NAALADL2: variants seen among roughly 807,000 people sequenced by gnomAD.
NAALADL2 encodes inactive N-acetylated-alpha-linked acidic dipeptidase-like protein 2.
Under a neutral mutation model 87.2 loss-of-function variants are expected in NAALADL2, and 76 were observed. The observed-to-expected ratio is 0.87, with a 90% CI of 0.72 to 1.05. The LOEUF (loss-of-function observed/expected upper bound fraction) is 1.05, where lower values mean the gene tolerates loss of function less well. NAALADL2 is among the 50% of genes least tolerant of loss of function. The pLI, the probability that NAALADL2 is intolerant of heterozygous loss-of-function variation, is 0.00. For synonymous variants in NAALADL2, 354 were observed against 331.0 expected, an observed-to-expected ratio of 1.07 and a Z score of -0.75; for missense variants, 1,089 against 945.8, an observed-to-expected ratio of 1.15 and a Z score of -1.99.
At chr3:175,210,018 T>C (rs1408957999) in intron 2 of NAALADL2, among the ~76,000 whole-genome samples, 1 of 151,824 alleles carries the variant, frequency 6.6e-6, no homozygotes, top group Non-Finnish European at 1.5e-5. Flanking sequence ...GTATTAATAT[T>C]ATACATACAA....
chr3:175,117,341 G>T (rs1003534858), intron 2 of NAALADL2, among the ~76,000 whole-genome samples: 4 of 152,056 alleles, frequency 2.6e-5, no homozygotes, highest in African/African-American at 9.7e-5. Flanking sequence ...AAGAATGGGA[G>T]AAAATTTTTA....
intron 11 of NAALADL2, among the ~76,000 whole-genome samples, chr3:175,714,985 G>A (rs911944521): frequency 6.6e-6 from 1 of 152,140 alleles, no homozygotes. Context: ...AAGACTTCAT[G>A]ACTATTTTCT....
At chr3:175,048,085 T>C (rs1754902790) in intron 1 of NAALADL2, among the ~76,000 whole-genome samples, 2 of 152,198 alleles carry the variant, frequency 1.3e-5, no homozygotes, top group Admixed American at 1.3e-4. Flanking sequence ...GTACTTTAAT[T>C]TCTGTAGCTT....
intron 6 of NAALADL2, among the ~76,000 whole-genome samples, chr3:175,452,255 G>A (rs906759217): frequency 6.6e-6 from 1 of 151,814 alleles, no homozygotes; most frequent in African/African-American, 2.4e-5. Context: ...CTCTTGCTAT[G>A]TCTTTCTCTC....
In NAALADL2 at chr3:174,798,263, T is replaced by C. The variant is rs566203265; in HGVS notation, c.-9+60517T>C. 1.3e-4 allele frequency among the ~76,000 whole-genome samples: 20 copies of C among 152,348 alleles called. No individual in the cohort carries two copies. In the East Asian group the frequency reaches 3.9e-3, roughly 29 times the overall value. Reference sequence around the variant, plus strand: ...TGTGAATATTGTAGCTTTGTAGTTTTGTTGCTGTTGTTACTGTTTTCATTC... The same window carrying C: ...TGTGAATATTGTAGCTTTGTAGTTTCGTTGCTGTTGTTACTGTTTTCATTC... On this transcript the variant is annotated intron_variant, in intron 3 of 3. Transcript: ENST00000434257.
At chr3:175,720,178 A>C (rs975549886) in intron 11 of NAALADL2, among the ~76,000 whole-genome samples, 1 of 152,174 alleles carries the variant, frequency 6.6e-6, no homozygotes. Context: ...ATCCACTGTG[A>C]TAAGTATACA....
intron 2 of NAALADL2, among the ~76,000 whole-genome samples, chr3:175,129,699 A>C (rs1727513146): frequency 6.6e-6 from 1 of 152,104 alleles, no homozygotes; most frequent in Non-Finnish European, 1.5e-5. Flanking sequence ...TATATCTTAC[A>C]TTTCCTTTAT....
intron 1 of NAALADL2, among the ~76,000 whole-genome samples, chr3:174,881,167 C>A (rs144835872): frequency 6.6e-6 from 1 of 152,188 alleles, no homozygotes; most frequent in Non-Finnish European, 1.5e-5. Flanking sequence ...GTGGACATAT[C>A]CTTTGAGGAG....
intron 1 of NAALADL2, among the ~76,000 whole-genome samples, chr3:174,904,171 C>T (rs1003170373): frequency 6.6e-6 from 1 of 151,642 alleles, no homozygotes; most frequent in Non-Finnish European, 1.5e-5. Context: ...TATTTGGGAT[C>T]AGTAAGGGGC....
intron 1 of NAALADL2, among the ~76,000 whole-genome samples, chr3:174,530,236 G>A (rs953390631): frequency 1.1e-4 from 17 of 152,102 alleles, no homozygotes; most frequent in African/African-American, 3.6e-4. Context: ...GAGGCAAAAT[G>A]CACCAGTCTC....
intron 1 of NAALADL2, among the ~76,000 whole-genome samples, chr3:174,957,080 T>C (rs2108536519): frequency 6.6e-6 from 1 of 152,050 alleles, no homozygotes; most frequent in South Asian, 2.1e-4. Context: ...CAAGGGATGC[T>C]TATTTTTTTT....
intron 2 of NAALADL2, among the ~76,000 whole-genome samples, chr3:175,185,982 G>C (rs935255137): frequency 6.6e-6 from 1 of 151,636 alleles, no homozygotes; most frequent in Non-Finnish European, 1.5e-5. Context: ...TAAAATTTCA[G>C]TATCAAATTT....
chr3:175,687,680 G>A (rs558035049), intron 11 of NAALADL2, among the ~76,000 whole-genome samples: 1 of 152,284 alleles, frequency 6.6e-6, no homozygotes, highest in South Asian at 2.1e-4. Context: ...ATGTTGAAAT[G>A]TTATTCCTAA....
chr3:175,003,430 C>G (rs1748513989), intron 1 of NAALADL2, among the ~76,000 whole-genome samples: 1 of 152,150 alleles, frequency 6.6e-6, no homozygotes, highest in Non-Finnish European at 1.5e-5. Context: ...TAAACAGAGG[C>G]ATAGGTGTGA....
intron 5 of NAALADL2, among the ~76,000 whole-genome samples, chr3:175,396,465 A>G (rs767152842): frequency 1.2e-4 from 18 of 152,164 alleles, no homozygotes; most frequent in Non-Finnish European, 2.1e-4. Context: ...TGGATAATAC[A>G]TCCACGGTGT....
At chr3:174,747,189 G>C (rs570715607) in intron 3 of NAALADL2, among the ~76,000 whole-genome samples, 24 of 152,146 alleles carry the variant, frequency 1.6e-4, no homozygotes, top group South Asian at 4.1e-4. Context: ...TCTAACAAAG[G>C]CCTAATATCC....
chr3:174,815,104 T>A (rs116831337), intron 3 of NAALADL2, among the ~76,000 whole-genome samples: 63 of 152,306 alleles, frequency 4.1e-4, no homozygotes, highest in African/African-American at 1.4e-3. Flanking sequence ...GGTTCTAGTT[T>A]TATAGCATCC....
chr3:175,377,610 ACC>A (rs1028502816), intron 5 of NAALADL2, among the ~76,000 whole-genome samples: 1 of 152,174 alleles, frequency 6.6e-6, no homozygotes, highest in African/African-American at 2.4e-5. Flanking sequence ...AAGCATAAAA[ACC>A]TGTGACCATG....
chr3:174,660,738 TAAAC>T (rs1367905880), intron 2 of NAALADL2, among the ~76,000 whole-genome samples: 5 of 152,046 alleles, frequency 3.3e-5, no homozygotes, highest in Non-Finnish European at 7.4e-5. Context: ...ACTTTTTTAA[TAAAC>T]AAAAAGAACA....
Sources: gnomAD v4.1 joint callset for allele counts (sites outside exome capture counted in the v4.1 genomes callset) on GRCh38, gnomAD v4.1.1 for gene constraint, MANE v1.5 for transcripts, NCBI Gene and HGNC (gene_info 2026-07-23, HGNC 2026-07-21) for gene names.